PKD2L2: variants seen among roughly 807,000 people sequenced by gnomAD.
The protein encoded by PKD2L2 is polycystin 2 like 2, transient receptor potential cation channel, also known as polycystin-2-like protein 2.
A neutral mutation model predicts 83.9 loss-of-function variants in PKD2L2; 67 were observed. That is an observed-to-expected ratio of 0.80 (90% confidence interval 0.66 to 0.98). The LOEUF is 0.98. Ranked by LOEUF, PKD2L2 falls within the 50% of genes least tolerant of loss-of-function variation. PKD2L2 has a pLI of 0.00. For missense variants in PKD2L2, 632 were observed against 717.2 expected, an observed-to-expected ratio of 0.88 and a Z score of 1.36; for synonymous variants, 223 against 237.8, an observed-to-expected ratio of 0.94 and a Z score of 0.57.
chr5:137,938,821 TA>T (rs954136067), intron 14 of PKD2L2: 9 of 152,558 alleles, frequency 5.9e-5, no homozygotes, highest in African/African-American at 2.2e-4. Flanking sequence ...TTATATGGAA[TA>T]AATTGTTAAT....
Position 137,899,534 on chromosome 5 carries a change from T to A in PKD2L2, c.543T>A (p.Ser181=), listed in dbSNP as rs745500907. 2 of 1,602,964 alleles carry A rather than the reference T, an allele frequency of 1.2e-6. No individual in the cohort carries two copies. Among genetic ancestry groups the A allele is most frequent in the South Asian group, 2.2e-5 (2 of 90,762 alleles). ...QINTEWRYST[S]NTNSPWHWGF... ...GTAACAGATGGAGATATTCTACTTC[T>A]AATACCAACTCCCCTTGGCACTGGG... The change falls in exon 5 of 15, where the codon TCT becomes TCA. Residue 181 remains serine (S), a synonymous_variant. Transcript: ENST00000508883.
intron 3 of PKD2L2, among the ~76,000 whole-genome samples, chr5:137,894,070 T>C (rs1756230889): frequency 1.3e-5 from 2 of 152,150 alleles, no homozygotes; most frequent in Non-Finnish European, 2.9e-5. Context: ...TACTCATGTA[T>C]TGGAAGAAAA....
chr5:137,892,549 C>G lies in PKD2L2; in HGVS notation c.203C>G (p.Thr68Ser). The G allele has an allele frequency of 4.3e-6, 7 of 1,611,510 alleles. No individual in the cohort carries two copies. Among genetic ancestry groups the G allele is most frequent in the Non-Finnish European group, 5.9e-6 (7 of 1,178,430 alleles). ...NKVMSSLFLD[T>S]SVPGEERTNF... ...GTTATGTCATCTCTATTTTTGGACACTTCTGTGCCTGGTGAAGAAAGAACC... is the reference window on the plus strand; with the variant it reads ...GTTATGTCATCTCTATTTTTGGACAGTTCTGTGCCTGGTGAAGAAAGAACC... Residue 68 changes from threonine to serine, a missense_variant, in exon 3 of 15, where the codon ACT (threonine) becomes AGT (serine). Physicochemically the swap from Thr to Ser is moderately conservative, Grantham distance 58. Coordinates refer to ENST00000508883, the MANE Select transcript of PKD2L2 (RefSeq NM_001300921.2).
chr5:137,893,181 ATTTACT>A (rs1561672954), intron 3 of PKD2L2, among the ~76,000 whole-genome samples: 1 of 152,170 alleles, frequency 6.6e-6, no homozygotes, highest in African/African-American at 2.4e-5. Context: ...GTATAGTGAA[ATTTACT>A]TTTAAAAATT....
intron 8 of PKD2L2, 77 bp from the exon 9 acceptor site, chr5:137,921,559 G>C: frequency 1.1e-6 from 1 of 873,436 alleles, no homozygotes; most frequent in Non-Finnish European, 1.8e-6. Context: ...TATCCTCTTA[G>C]AGACATTAGT....
chr5:137,935,751 T>C (rs1277385171), intron 12 of PKD2L2, 46 bp from the exon 13 acceptor site: 4 of 985,550 alleles, frequency 4.1e-6, no homozygotes, highest in Non-Finnish European at 6.4e-6. Context: ...AGACTTGAAA[T>C]AGAGAACTAA....
chr5:137,924,299 C>G (rs895173562), intron 10 of PKD2L2, among the ~76,000 whole-genome samples: 1 of 152,312 alleles, frequency 6.6e-6, no homozygotes, highest in Admixed American at 6.5e-5. Flanking sequence ...TAGTCTCTAC[C>G]TTTCTGCCTC....
intron 9 of PKD2L2, among the ~76,000 whole-genome samples, 182 bp from the exon 10 acceptor site, chr5:137,923,238 A>G (rs1328498428): frequency 6.7e-6 from 1 of 148,700 alleles, no homozygotes; most frequent in Non-Finnish European, 1.5e-5. Flanking sequence ...CTGATCTTGA[A>G]CTCCTGTCCT....
chr5:137,931,970 T>C (rs1759914021), intron 12 of PKD2L2, among the ~76,000 whole-genome samples: 1 of 152,212 alleles, frequency 6.6e-6, no homozygotes, highest in Admixed American at 6.5e-5. Context: ...AAAATTATAA[T>C]AGAAGACCTT....
intron 8 of PKD2L2, among the ~76,000 whole-genome samples, chr5:137,920,359 TG>T (rs1252752512): frequency 1.3e-5 from 2 of 152,352 alleles, no homozygotes; most frequent in East Asian, 3.9e-4. Context: ...TTGTTACTAC[TG>T]TGCTACTCAA....
Position 137,935,928 on chromosome 5 carries a change from C to A in PKD2L2, c.1784+19C>A, listed in dbSNP as rs1760294164. 1.5e-6 allele frequency: 2 copies of A among 1,299,246 alleles called. No homozygotes were observed. Among genetic ancestry groups the A allele is most frequent in the Non-Finnish European group, 2.2e-6 (2 of 896,452 alleles). 80.5% of individuals were successfully genotyped at this position (1,299,246 alleles called of 1,614,324 possible). A position where few individuals can be genotyped will look rare whatever the true frequency, so the allele number is the denominator to read the frequency against. ...TTCGAGAGTAAGCTTATGTTCTAAC[C>A]AGACTATTATGGGATATCATGACAT... On this transcript the variant is annotated intron_variant, in intron 13 of 14. Coordinates refer to ENST00000508883, the MANE Select transcript of PKD2L2 (RefSeq NM_001300921.2).
chr5:137,902,265 G>C (rs1757024406), intron 5 of PKD2L2, among the ~76,000 whole-genome samples: 1 of 151,994 alleles, frequency 6.6e-6, no homozygotes, highest in African/African-American at 2.4e-5. Context: ...TGAAGGAATG[G>C]TACTGTGTAA....
At chr5:137,895,155 G>A (rs772053034) in intron 4 of PKD2L2, among the ~76,000 whole-genome samples, 2 of 152,090 alleles carry the variant, frequency 1.3e-5, no homozygotes, top group Non-Finnish European at 2.9e-5. Flanking sequence ...TGCTGGTGTA[G>A]ACTCGTGTAC....
rs1019416351 is a variant in PKD2L2 at position 137,914,214 on chromosome 5, T to C, written c.1328+5268T>C. ...TGAAATTGCTTTCTTGATTTCTTTT[T>C]TGAATAGATCATCATTACAGGTTGA... On this transcript the variant is annotated intron_variant, in intron 8 of 14. Transcript: ENST00000508883. 2.6e-5 allele frequency among the ~76,000 whole-genome samples: 4 copies of C among 152,134 alleles called. 1 individual carries two copies. The South Asian group carries it at 8.3e-4, about 32-fold the overall frequency.
At chr5:137,904,751 C>T (rs1757230766) in intron 5 of PKD2L2, among the ~76,000 whole-genome samples, 1 of 152,126 alleles carries the variant, frequency 6.6e-6, no homozygotes. Flanking sequence ...ACATGCACCC[C>T]TGAACCTAAA....
intron 14 of PKD2L2, chr5:137,941,864 A>C (rs757254828): frequency 3.4e-6 from 4 of 1,177,918 alleles, no homozygotes; most frequent in Non-Finnish European, 3.7e-6. Flanking sequence ...TTCTAATCCC[A>C]CGTATTCCAT....
At chr5:137,915,651 C>A (rs1758261741) in intron 8 of PKD2L2, among the ~76,000 whole-genome samples, 1 of 152,126 alleles carries the variant, frequency 6.6e-6, no homozygotes, top group South Asian at 2.1e-4. Context: ...GAACTCCTGA[C>A]CTCGTGATCT....
rs566646760 is a variant in PKD2L2 at position 137,906,165 on chromosome 5, G to A, written c.747-41G>A. 7.1e-6 allele frequency: 8 copies of A among 1,128,604 alleles called. No individual in the cohort carries two copies. The South Asian group carries it at 1.1e-4, about 15-fold the overall frequency. The allele number at this position is 1,128,604 out of a possible 1,614,324, so 69.9% of individuals were successfully genotyped here. ...TCACATTAAGTACTGAAATATAAAT[G>A]CTTGAAATGAACAGTTGCTTTCACA... On this transcript the variant is annotated intron_variant, in intron 5 of 14. Coordinates refer to ENST00000508883, the MANE Select transcript of PKD2L2 (RefSeq NM_001300921.2).
chr5:137,908,712 AG>A, intron 7 of PKD2L2, 52 bp from the exon 8 acceptor site: 1 of 839,034 alleles, frequency 1.2e-6, no homozygotes, highest in South Asian at 1.9e-5. Context: ...ATTTATTCTA[AG>A]TAATTTCATC....
Sources: allele counts gnomAD v4.1 joint callset (sites outside exome capture counted in the v4.1 genomes callset), GRCh38; gene constraint gnomAD v4.1.1; transcripts MANE v1.5; gene names NCBI Gene and HGNC (gene_info 2026-07-23, HGNC 2026-07-21).